The following SH3BGRL2 variants were observed in gnomAD, a reference collection of about 807,000 sequenced individuals.
SH3BGRL2 encodes the protein SH3 domain-binding glutamic acid-rich-like protein 2.
A neutral mutation model predicts 14.8 loss-of-function variants in SH3BGRL2; 21 were observed. That is an observed-to-expected ratio of 1.42 (90% CI 1.01 to 2.05). The LOEUF (loss-of-function observed/expected upper bound fraction) is 2.05, where lower values mean the gene tolerates loss of function less well. SH3BGRL2 is among the 30% of genes most tolerant of loss of function. SH3BGRL2 has a pLI of 0.00. For missense variants in SH3BGRL2, 147 were observed against 130.8 expected (o/e 1.12, Z -0.61); for synonymous variants, 50 against 47.8 (o/e 1.05, Z -0.19).
At chr6:79,643,409 A>G (rs1769069420) in intron 1 of SH3BGRL2, among the ~76,000 whole-genome samples, 1 of 152,148 alleles carries the variant, frequency 6.6e-6, no homozygotes, top group African/African-American at 2.4e-5. Context: ...GGAATTGTGC[A>G]GGACTCCTGA....
the SH3BGRL2 span, among the ~76,000 whole-genome samples, chr6:79,571,802 T>C: frequency 1.3e-5 from 2 of 152,234 alleles, no homozygotes; most frequent in Non-Finnish European, 2.9e-5. Flanking sequence ...TAAACTTATA[T>C]ACTTGGTTAC....
chr6:79,543,934 G>A, the SH3BGRL2 span, among the ~76,000 whole-genome samples: 2 of 152,166 alleles, frequency 1.3e-5, no homozygotes, highest in Non-Finnish European at 2.9e-5. Flanking sequence ...AGATATGGTA[G>A]TTAAAATCAG....
At chr6:79,612,233 G>A in the SH3BGRL2 span, among the ~76,000 whole-genome samples, 3 of 152,126 alleles carry the variant, frequency 2.0e-5, no homozygotes, top group Non-Finnish European at 4.4e-5. Flanking sequence ...CTCAGGAGGT[G>A]GAGGTTGCAG....
At chr6:79,688,209 A>C (rs552164083) in intron 2 of SH3BGRL2, among the ~76,000 whole-genome samples, 1 of 151,296 alleles carries the variant, frequency 6.6e-6, no homozygotes, top group East Asian at 1.9e-4. Flanking sequence ...AAAAAAAAAA[A>C]AACAAAAACA....
the SH3BGRL2 span, among the ~76,000 whole-genome samples, chr6:79,581,209 T>C: frequency 6.6e-6 from 1 of 151,904 alleles, no homozygotes; most frequent in Admixed American, 6.6e-5. Flanking sequence ...CTACCAGAGG[T>C]ATAAGGAGAA....
At position 79,703,156 on chromosome 6, in the gene SH3BGRL2, G is replaced by A. The variant is rs900617624; in HGVS notation, c.*3647G>A. The A allele has an allele frequency of 1.3e-5, 2 of 152,156 alleles. No homozygotes were observed. The highest frequency in any genetic ancestry group is 4.8e-5 in the African/African-American group (2 of 41,424). The allele number at this position is 152,156 out of a possible 1,614,324, so 9.4% of individuals were successfully genotyped here. Reference sequence around the variant, plus strand: ...TCAGGTTTGTTTGTTCATCCTTTCTGTCAGCATGGATCAAGCCCCTAAAAT... The same window carrying A: ...TCAGGTTTGTTTGTTCATCCTTTCTATCAGCATGGATCAAGCCCCTAAAAT... On this transcript the variant is annotated 3_prime_UTR_variant, in exon 4 of 4. Transcript: ENST00000369838.
upstream of SH3BGRL2, among the ~76,000 whole-genome samples, chr6:79,628,884 G>A (rs938223243): frequency 6.6e-5 from 10 of 152,278 alleles, 1 homozygote; most frequent in African/African-American, 2.4e-4. Context: ...TATTTCAGGT[G>A]GCTTAAGCAA....
chr6:79,549,956 T>A, the SH3BGRL2 span, among the ~76,000 whole-genome samples: 1,365 of 152,310 alleles, frequency 9.0e-3, 18 homozygotes, highest in Middle Eastern at 0.037. Flanking sequence ...AATATTTCTT[T>A]GATTAAAAAC....
At chr6:79,583,710 A>C in the SH3BGRL2 span, among the ~76,000 whole-genome samples, 1 of 152,190 alleles carries the variant, frequency 6.6e-6, no homozygotes, top group Non-Finnish European at 1.5e-5. Context: ...CAGCAAACCA[A>C]CATGGCACAT....
At chr6:79,653,510 C>T (rs1001700155) in intron 1 of SH3BGRL2, among the ~76,000 whole-genome samples, 15 of 152,004 alleles carry the variant, frequency 9.9e-5, no homozygotes, top group African/African-American at 1.5e-4. Flanking sequence ...TAATGTCTGG[C>T]GTAAAGTAAC....
At chr6:79,661,437 G>A (rs532033249) in intron 1 of SH3BGRL2, among the ~76,000 whole-genome samples, 4 of 152,234 alleles carry the variant, frequency 2.6e-5, no homozygotes, top group Admixed American at 1.3e-4. Flanking sequence ...GTAGTTGTGC[G>A]GTTTTGAATG....
chr6:79,551,950 G>A, the SH3BGRL2 span, among the ~76,000 whole-genome samples: 1 of 152,170 alleles, frequency 6.6e-6, no homozygotes, highest in African/African-American at 2.4e-5. Flanking sequence ...AATTAGCCGG[G>A]TGTGGTGGTG....
rs1217889251 is a variant in SH3BGRL2, at chr6:79,631,479, C to T, written c.18C>T (p.Phe6=). 1.3e-5 allele frequency: 20 copies of T among 1,503,928 alleles called. No individual in the cohort carries two copies. The highest frequency in any genetic ancestry group is 2.7e-5 in the East Asian group (1 of 36,912). The allele number at this position is 1,503,928 out of a possible 1,614,324, so 93.2% of individuals were successfully genotyped here. The part of the protein sequence containing the change: MVIRV[F]IASSSGFVAI... ...GCGAGAGGATGGTCATCCGCGTGTTCATCGCCTCTTCCTCGGGCTTCGTGG... is the reference window on the plus strand; with the variant it reads ...GCGAGAGGATGGTCATCCGCGTGTTTATCGCCTCTTCCTCGGGCTTCGTGG... The change falls in exon 1 of 4, where the codon TTC becomes TTT. Residue 6 remains phenylalanine (F), a synonymous_variant. Coordinates refer to ENST00000369838, the MANE Select transcript of SH3BGRL2 (RefSeq NM_031469.4).
chr6:79,691,747 G>A (rs1477054157), intron 2 of SH3BGRL2, among the ~76,000 whole-genome samples: 3 of 151,496 alleles, frequency 2.0e-5, no homozygotes, highest in African/African-American at 7.3e-5. Flanking sequence ...TCTTAATCTA[G>A]TCTATCATTG....
intron 1 of SH3BGRL2, among the ~76,000 whole-genome samples, chr6:79,633,865 T>C (rs1768872868): frequency 6.6e-6 from 1 of 152,340 alleles, no homozygotes; most frequent in African/African-American, 2.4e-5. Context: ...TTTAGGTCAA[T>C]TCTTGGGCTG....
intron 1 of SH3BGRL2, among the ~76,000 whole-genome samples, chr6:79,640,633 C>T (rs1181685710): frequency 6.6e-6 from 1 of 151,826 alleles, no homozygotes; most frequent in Non-Finnish European, 1.5e-5. Flanking sequence ...GGGGTTGTTT[C>T]CTGGAGCTGA....
At chr6:79,660,845 A>G (rs1192899348) in intron 1 of SH3BGRL2, among the ~76,000 whole-genome samples, 1 of 152,124 alleles carries the variant, frequency 6.6e-6, no homozygotes, top group African/African-American at 2.4e-5. Flanking sequence ...CAGAGATTCA[A>G]CTTCTTTCTG....
upstream of SH3BGRL2, among the ~76,000 whole-genome samples, chr6:79,630,867 C>G (rs887642498): frequency 6.6e-6 from 1 of 152,164 alleles, no homozygotes; most frequent in African/African-American, 2.4e-5. Context: ...ACCGCCCACA[C>G]CTCCCAAGCA....
chr6:79,678,065 T>TTC lies in SH3BGRL2; in HGVS notation c.231+4278_231+4279dup, dbSNP rs554375721. ...AATACCTACTCCCCTTTCATTTCTT[T>TTC]TCTCTCTCTCTCTATTCAGCAAACA... On this transcript the variant is annotated intron_variant, in intron 2 of 3. Transcript: ENST00000369838. Among the ~76,000 whole-genome samples the TTC allele has an allele frequency of 8.5e-3, 1,296 of 152,064 alleles. 11 individuals are homozygous for TTC. The highest frequency in any genetic ancestry group is 0.027 in the Middle Eastern group (8 of 294).
Sources: allele counts gnomAD v4.1 joint callset (sites outside exome capture counted in the v4.1 genomes callset), GRCh38; gene constraint gnomAD v4.1.1; transcripts MANE v1.5; gene names NCBI Gene and HGNC (gene_info 2026-07-23, HGNC 2026-07-21).